The following SLC24A2 variants were observed in gnomAD, a reference collection of about 807,000 sequenced individuals.
The protein encoded by SLC24A2 is solute carrier family 24 member 2.
Under a neutral mutation model 62.0 loss-of-function variants are expected in SLC24A2, and 36 were observed. The observed-to-expected ratio is 0.58, with a 90% CI of 0.44 to 0.77. The LOEUF is 0.77. Among genes scored for constraint, SLC24A2 ranks in the 30% least tolerant of loss-of-function variants. SLC24A2 has a pLI of 0.00. For synonymous variants in SLC24A2, 358 were observed against 294.0 expected (o/e 1.22, Z -2.23); for missense variants, 846 against 817.9 (o/e 1.03, Z -0.42).
chr9:19,698,808 C>T (rs1820270874), intron 2 of SLC24A2, among the ~76,000 whole-genome samples: 1 of 152,130 alleles, frequency 6.6e-6, no homozygotes, highest in African/African-American at 2.4e-5. Context: ...ATGGACCCAC[C>T]CATAGAGACC....
the SLC24A2 span, among the ~76,000 whole-genome samples, chr9:19,958,720 T>C: frequency 1.3e-5 from 2 of 152,238 alleles, no homozygotes; most frequent in African/African-American, 2.4e-5. Context: ...TTTGTTCTCA[T>C]TGGTTTTATG....
chr9:19,951,141 A>G, the SLC24A2 span, among the ~76,000 whole-genome samples: 1 of 151,956 alleles, frequency 6.6e-6, no homozygotes, highest in East Asian at 1.9e-4. Flanking sequence ...TTTGGCCATA[A>G]TGGGAACTTA....
the SLC24A2 span, among the ~76,000 whole-genome samples, chr9:19,939,366 C>G: frequency 6.6e-6 from 1 of 152,198 alleles, no homozygotes; most frequent in Admixed American, 6.5e-5. Context: ...GGCTATGAAT[C>G]TGTACAGCAT....
At chr9:20,171,121 C>T in the SLC24A2 span, among the ~76,000 whole-genome samples, 1 of 151,878 alleles carries the variant, frequency 6.6e-6, no homozygotes, top group African/African-American at 2.4e-5. Flanking sequence ...CAAAACTAAG[C>T]CTTATAAATG....
At chr9:19,906,541 T>C in the SLC24A2 span, among the ~76,000 whole-genome samples, 15 of 152,094 alleles carry the variant, frequency 9.9e-5, no homozygotes, top group African/African-American at 3.1e-4. Flanking sequence ...ATCCAGGAGC[T>C]GGTTTTTTGA....
At chr9:19,805,835 T>A in the SLC24A2 span, among the ~76,000 whole-genome samples, 120,306 of 144,836 alleles carry the variant, frequency 0.83, 50,968 homozygotes, top group Non-Finnish European at 0.94. Flanking sequence ...GTCTGAGTTT[T>A]AAAAAAAAAA....
At chr9:19,868,976 TA>T in the SLC24A2 span, among the ~76,000 whole-genome samples, 1 of 152,098 alleles carries the variant, frequency 6.6e-6, no homozygotes, top group Non-Finnish European at 1.5e-5. Context: ...TGTAGTTATT[TA>T]TGTGGGATTT....
At chr9:19,850,978 T>TACATAC in the SLC24A2 span, among the ~76,000 whole-genome samples, 5 of 43,944 alleles carry the variant, frequency 1.1e-4, no homozygotes, top group African/African-American at 4.9e-4. Context: ...TATATATATA[T>TACATAC]ATATATGTAT....
At chr9:19,788,718 C>T (rs1344452803) in intron 1 of SLC24A2, 167 bp downstream of exon 1, 65 of 985,294 alleles carry the variant, frequency 6.6e-5, no homozygotes, top group Non-Finnish European at 7.6e-5. Flanking sequence ...ATCCACGCCC[C>T]GGAGCACAGA....
At chr9:20,160,669 G>C in the SLC24A2 span, among the ~76,000 whole-genome samples, 3 of 151,056 alleles carry the variant, frequency 2.0e-5, no homozygotes, top group African/African-American at 7.3e-5. Flanking sequence ...CAACTTGTGA[G>C]CGAAAGGAAA....
chr9:20,151,104 T>G, the SLC24A2 span, among the ~76,000 whole-genome samples: 1 of 151,936 alleles, frequency 6.6e-6, no homozygotes, highest in Non-Finnish European at 1.5e-5. Context: ...CTCCCCACTT[T>G]CTAACATTTT....
chr9:19,638,493 T>A (rs1818414430), intron 2 of SLC24A2, among the ~76,000 whole-genome samples: 1 of 152,180 alleles, frequency 6.6e-6, no homozygotes. Context: ...CTAAGGGAAT[T>A]TCTATTTTGT....
chr9:19,705,308 C>T (rs1820478968), intron 2 of SLC24A2: 1 of 153,342 alleles, frequency 6.5e-6, no homozygotes, highest in Admixed American at 6.5e-5. Context: ...TATGAGGACT[C>T]TCTGGGGAAA....
At chr9:20,102,359 G>A in the SLC24A2 span, among the ~76,000 whole-genome samples, 1 of 152,034 alleles carries the variant, frequency 6.6e-6, no homozygotes, top group African/African-American at 2.4e-5. Flanking sequence ...GGATGAAGCT[G>A]GAAACCATCA....
chr9:19,510,871 C>G lies in SLC24A2; in HGVS notation c.*5282G>C, dbSNP rs1832688592. 6.6e-6 allele frequency: 1 copy of G among 152,248 alleles called. No individual in the cohort carries two copies. The highest frequency in any genetic ancestry group is 1.5e-5 in the Non-Finnish European group (1 of 68,116). 9.4% of individuals were successfully genotyped at this position (152,248 alleles called of 1,614,324 possible). ...TTTTTGCCTCTCGAATGCTGCCTGA[C>G]TTGTGGATTTGCTTGTCCTTTGTAG... On this transcript the variant is annotated 3_prime_UTR_variant, in exon 11 of 11. Coordinates refer to ENST00000341998, the MANE Select transcript of SLC24A2 (RefSeq NM_020344.4).
At chr9:20,271,308 G>C in the SLC24A2 span, among the ~76,000 whole-genome samples, 1 of 152,208 alleles carries the variant, frequency 6.6e-6, no homozygotes, top group Non-Finnish European at 1.5e-5. Context: ...TCTGACTGTA[G>C]ATGTCACCAA....
chr9:19,708,796 A>G (rs1564054959), intron 2 of SLC24A2, among the ~76,000 whole-genome samples: 1 of 152,230 alleles, frequency 6.6e-6, no homozygotes, highest in Admixed American at 6.5e-5. Context: ...CTAAAACCAT[A>G]AAAACCCTAG....
chr9:20,209,882 G>A, the SLC24A2 span, among the ~76,000 whole-genome samples: 10 of 152,284 alleles, frequency 6.6e-5, no homozygotes, highest in Admixed American at 3.3e-4. Flanking sequence ...GTTTAAGTAC[G>A]CCTGAAATAT....
At chr9:20,176,903 A>T in the SLC24A2 span, among the ~76,000 whole-genome samples, 1 of 66,264 alleles carries the variant, frequency 1.5e-5, no homozygotes, top group Non-Finnish European at 3.7e-5. Context: ...ACAGTTATCT[A>T]AAGTGTGAGG....
Sources: allele counts gnomAD v4.1 joint callset (sites outside exome capture counted in the v4.1 genomes callset), GRCh38; gene constraint gnomAD v4.1.1; transcripts MANE v1.5; gene names NCBI Gene and HGNC (gene_info 2026-07-23, HGNC 2026-07-21).